Variants in UTP20 observed in about 807,000 individuals in gnomAD.
UTP20 encodes UTP20 small subunit processome component, also known as small subunit processome component 20 homolog.
A neutral mutation model predicts 329.5 loss-of-function variants in UTP20; 164 were observed. The observed-to-expected ratio is 0.50, with a 90% CI of 0.44 to 0.57. The LOEUF is 0.57. Among genes scored for constraint, UTP20 ranks in the 20% least tolerant of loss-of-function variants. The pLI is 0.00. For synonymous variants in UTP20, 1,151 were observed against 1,159.3 expected (o/e 0.99, Z 0.14); for missense variants, 3,055 against 3,284.2 (o/e 0.93, Z 1.71).
chr12:101,355,268 A>C, intron 41 of UTP20, 150 bp downstream of exon 41: 1 of 880,330 alleles, frequency 1.1e-6, no homozygotes, highest in Non-Finnish European at 1.7e-6. Context: ...CTCTACTCTT[A>C]TCTCTTCAAC....
rs1404701229 is a variant in UTP20, at chr12:101,306,638, G to A, written c.1933-61G>A. ...ATAAAACTTAAATCTTGCTGACTGT[G>A]AATCAGTTTCTTTTTATGGTTAAAC... is the stretch of plus-strand genomic sequence containing the variant. On this transcript the variant is annotated intron_variant, in intron 16 of 61. Coordinates refer to ENST00000261637, the MANE Select transcript of UTP20 (RefSeq NM_014503.3). The A allele has an allele frequency of 1.2e-5, 18 of 1,457,308 alleles. No individual in the cohort carries two copies. In the East Asian group the frequency reaches 3.7e-4, roughly 30 times the overall value. The allele number at this position is 1,457,308 out of a possible 1,614,324, so 90.3% of individuals were successfully genotyped here.
chr12:101,300,222 C>T (rs780510690), intron 14 of UTP20, among the ~76,000 whole-genome samples, 161 bp downstream of exon 14: 2 of 152,146 alleles, frequency 1.3e-5, no homozygotes, highest in Non-Finnish European at 2.9e-5. Flanking sequence ...GCATGTCTCA[C>T]TTGTACCACA....
intron 3 of UTP20, 34 bp downstream of exon 3, chr12:101,285,670 A>G (rs1348410622): frequency 6.2e-7 from 1 of 1,613,696 alleles, no homozygotes. Context: ...TTATTCACCC[A>G]TAGTTTGCAC....
chr12:101,357,222 C>A, intron 43 of UTP20, 140 bp downstream of exon 43: 1 of 719,320 alleles, frequency 1.4e-6, no homozygotes, highest in Non-Finnish European at 2.1e-6. Context: ...TCAAAAGTTT[C>A]CAATTAGTAT....
Position 101,295,561 on chromosome 12 carries a change from A to G in UTP20, c.1333A>G (p.Ile445Val). The G allele has an allele frequency of 1.4e-5, 22 of 1,613,510 alleles. No homozygotes were observed. Among genetic ancestry groups the G allele is most frequent in the Non-Finnish European group, 1.8e-5 (21 of 1,179,844 alleles). ...DAVVKDEALA[I>V]LAKLILNKAA... ...TGTAGTCAAAGATGAAGCTCTGGCC[A>G]TTCTGGCCAAGCTCATTCTGAACAA... The change falls in exon 12 of 62, where the codon ATT (isoleucine) becomes GTT (valine). Residue 445 changes from isoleucine (I) to valine (V), a missense_variant. By Grantham distance (29) the Ile-to-Val change is conservative. Around this residue, in one of 3 missense-constraint regions of UTP20, gnomAD observed 2,445 missense variants for 2,575.5 expected, o/e 0.95. Coordinates refer to ENST00000261637, the MANE Select transcript of UTP20 (RefSeq NM_014503.3).
intron 24 of UTP20, 131 bp from the exon 25 acceptor site, chr12:101,321,365 ATTTTCCTT>A: frequency 8.1e-7 from 1 of 1,237,594 alleles, no homozygotes; most frequent in East Asian, 2.6e-5. Flanking sequence ...TTTTTTGAGG[ATTTTCCTT>A]TATGGATATC....
At chr12:101,356,274 G>A (rs1222989211) in intron 41 of UTP20, among the ~76,000 whole-genome samples, 1 of 152,028 alleles carries the variant, frequency 6.6e-6, no homozygotes, top group Non-Finnish European at 1.5e-5. Context: ...TTACAGGCAT[G>A]CACCACCACG....
At chr12:101,340,397 A>G in intron 31 of UTP20, 126 bp from the exon 32 acceptor site, 1 of 593,540 alleles carries the variant, frequency 1.7e-6, no homozygotes, top group Non-Finnish European at 2.9e-6. Context: ...ACACATACTT[A>G]AAAGCTAGCT....
At chr12:101,303,533 G>T (rs1319113323) in intron 15 of UTP20, among the ~76,000 whole-genome samples, 2 of 152,200 alleles carry the variant, frequency 1.3e-5, no homozygotes, top group Non-Finnish European at 2.9e-5. Flanking sequence ...CAGACCTGGA[G>T]GCGACATGAA....
At chr12:101,281,055 G>T (rs1871780574) in intron 1 of UTP20, 61 bp from the exon 2 acceptor site, 2 of 1,369,326 alleles carry the variant, frequency 1.5e-6, no homozygotes, top group Admixed American at 3.7e-5. Flanking sequence ...CATTCAAATA[G>T]ATATTAAAGA....
chr12:101,334,451 A>G lies in UTP20; in HGVS notation c.3588A>G (p.Gln1196=), dbSNP rs776512060. ...PQISRLGSES[Q]YSPTPLLKLI... is the part of the protein sequence containing the mutation. ...TCAGCAGGCTTGGATCTGAGAGTCA[A>G]TATTCTCCTACTCCTCTGCTGAAAC... is the stretch of plus-strand genomic sequence containing the variant. The change falls in exon 29 of 62, where the codon CAA becomes CAG. Residue 1196 remains glutamine (Q), a synonymous_variant. Transcript: ENST00000261637. 16 of 1,612,174 alleles carry G rather than the reference A, an allele frequency of 9.9e-6. No individual in the cohort carries two copies. The highest frequency in any genetic ancestry group is 2.2e-5 in the South Asian group (2 of 91,034).
chr12:101,378,952 G>C (rs7960458), intron 56 of UTP20, among the ~76,000 whole-genome samples: 9 of 151,980 alleles, frequency 5.9e-5, no homozygotes, highest in African/African-American at 2.2e-4. Flanking sequence ...TTTCTAAATT[G>C]ATACATAATT....
At chr12:101,335,789 T>C (rs1250292018) in intron 29 of UTP20, among the ~76,000 whole-genome samples, 1 of 152,264 alleles carries the variant, frequency 6.6e-6, no homozygotes, top group Non-Finnish European at 1.5e-5. Flanking sequence ...ACCGTGACAT[T>C]GTCTTCCTCA....
Position 101,356,989 on chromosome 12 carries a change from C to T in UTP20, c.5598C>T (p.Arg1866=), listed in dbSNP as rs1869744370. 1 of 1,614,092 alleles carries T rather than the reference C, an allele frequency of 6.2e-7. No individual in the cohort carries two copies. The highest frequency in any genetic ancestry group is 8.5e-7 in the Non-Finnish European group (1 of 1,179,968). The change falls in exon 43 of 62, where the codon CGC becomes CGT. Residue 1866 remains arginine, a synonymous_variant. Transcript: ENST00000261637. The part of the protein sequence containing the change: ...NRAQEIRDIA[R]STLAKIIEDL... ...CCCAAGAAATCAGAGACATTGCACG[C>T]AGCACTCTTGCGAAAATAATAGAGG...
At position 101,280,191 on chromosome 12, in the gene UTP20, G is replaced by C. The variant is rs756526362; in HGVS notation, c.-92G>C. 1.4e-5 allele frequency: 21 copies of C among 1,490,358 alleles called. No homozygotes were observed. Among genetic ancestry groups the C allele is most frequent in the East Asian group, 2.5e-5 (1 of 40,474 alleles). The allele number at this position is 1,490,358 out of a possible 1,614,324, so 92.3% of individuals were successfully genotyped here. On this transcript the variant is annotated 5_prime_UTR_variant, in exon 1 of 62. Coordinates refer to ENST00000261637, the MANE Select transcript of UTP20 (RefSeq NM_014503.3). ...AGTCTGGGCATCTGGGAATCGGAGA[G>C]TATAGCCTGTGAGCCGCTTTCCCCT...
intron 48 of UTP20, 87 bp from the exon 49 acceptor site, chr12:101,369,634 A>G: frequency 2.8e-6 from 2 of 708,448 alleles, no homozygotes; most frequent in Non-Finnish European, 5.1e-6. Flanking sequence ...CAGCACAATC[A>G]TTTAAAGAGT....
At chr12:101,300,213 C>T in intron 14 of UTP20, 152 bp downstream of exon 14, 2 of 804,172 alleles carry the variant, frequency 2.5e-6, no homozygotes, top group Non-Finnish European at 4.0e-6. Flanking sequence ...ATATGATGGG[C>T]ATGTCTCACT....
intron 52 of UTP20, 145 bp from the exon 53 acceptor site, chr12:101,373,256 A>G: frequency 2.6e-6 from 2 of 767,110 alleles, no homozygotes; most frequent in Non-Finnish European, 2.1e-6. Context: ...TAATGGATAC[A>G]TACAAGCATT....
chr12:101,343,531 G>A (rs1442334454), intron 35 of UTP20, among the ~76,000 whole-genome samples: 1 of 151,910 alleles, frequency 6.6e-6, no homozygotes, highest in Non-Finnish European at 1.5e-5. Context: ...TTTTTTTGGA[G>A]ACAGGATCTC....
Sources: gnomAD v4.1 joint callset for allele counts (sites outside exome capture counted in the v4.1 genomes callset) on GRCh38, gnomAD v4.1.1 for gene constraint, gnomAD v4.1.1 regional missense constraint, MANE v1.5 for transcripts, NCBI Gene and HGNC (gene_info 2026-07-23, HGNC 2026-07-21) for gene names.